NDUFAF6: variants seen among roughly 807,000 people sequenced by gnomAD.
The protein encoded by NDUFAF6 is NADH:ubiquinone oxidoreductase complex assembly factor 6.
Under a neutral mutation model 40.8 loss-of-function variants are expected in NDUFAF6, and 45 were observed. The ratio of observed to expected loss-of-function variants is 1.10; its 90% CI spans 0.87 to 1.42. The LOEUF (loss-of-function observed/expected upper bound fraction) is 1.42, where lower values mean the gene tolerates loss of function less well. Ranked by LOEUF, NDUFAF6 falls within the 40% of genes most tolerant of loss-of-function variation. The probability of loss-of-function intolerance (pLI) is 0.00; values close to 1 mark genes in which losing one functional copy is unlikely to be tolerated. For synonymous variants in NDUFAF6, 185 were observed against 155.9 expected (o/e 1.19, Z -1.39); for missense variants, 435 against 418.5 (o/e 1.04, Z -0.34).
At chr8:95,052,144 G>A (rs770280292) in intron 7 of NDUFAF6, 30 bp from the exon 8 acceptor site, 15 of 1,612,134 alleles carry the variant, frequency 9.3e-6, no homozygotes, top group Non-Finnish European at 1.1e-5. Context: ...GCTTAATTTT[G>A]AACGAGCTTC....
At chr8:94,922,154 T>C (rs1423759598) in intron 1 of NDUFAF6, among the ~76,000 whole-genome samples, 1 of 151,746 alleles carries the variant, frequency 6.6e-6, no homozygotes, top group African/African-American at 2.4e-5. Context: ...ACTACAAGCA[T>C]GTGCCACCAC....
intron 3 of NDUFAF6, among the ~76,000 whole-genome samples, chr8:95,037,819 GA>G (rs59511473): frequency 5.3e-5 from 8 of 150,036 alleles, no homozygotes; most frequent in Admixed American, 6.6e-5. Context: ...TGACATGGCA[GA>G]AAAAAAAACA....
upstream of NDUFAF6, chr8:95,024,936 A>C (rs1225157482): frequency 1.8e-5 from 22 of 1,208,350 alleles, no homozygotes; most frequent in African/African-American, 6.4e-5. Flanking sequence ...GCATAGGGGA[A>C]CCTGCAGGGG....
intron 2 of NDUFAF6, among the ~76,000 whole-genome samples, chr8:95,005,554 A>ATATATATGT (rs1554657858): frequency 8.7e-6 from 1 of 115,354 alleles, no homozygotes; most frequent in African/African-American, 3.7e-5. Context: ...TATATATATA[A>ATATATATGT]AAAATATATT....
chr8:95,073,662 A>C (rs1832946825), intron 9 of NDUFAF6, among the ~76,000 whole-genome samples: 1 of 152,282 alleles, frequency 6.6e-6, no homozygotes, highest in Middle Eastern at 3.4e-3. Context: ...TAACACTTAA[A>C]ATAAAAATGG....
intron 1 of NDUFAF6, among the ~76,000 whole-genome samples, chr8:94,914,534 A>G (rs761858641): frequency 6.6e-6 from 1 of 152,336 alleles, no homozygotes; most frequent in Non-Finnish European, 1.5e-5. Flanking sequence ...CAGTTCCTCA[A>G]AGCCTATGGT....
intron 8 of NDUFAF6, among the ~76,000 whole-genome samples, chr8:95,054,412 G>T (rs1387158978): frequency 6.7e-6 from 1 of 149,490 alleles, no homozygotes; most frequent in Non-Finnish European, 1.5e-5. Context: ...AACTCGGGGG[G>T]TGGGGCCCAG....
chr8:95,038,501 C>T (rs1019950743), intron 3 of NDUFAF6, among the ~76,000 whole-genome samples: 10 of 151,884 alleles, frequency 6.6e-5, no homozygotes, highest in African/African-American at 1.9e-4. Context: ...CATGCTACCA[C>T]ACCTGGCTGA....
chr8:95,049,442 T>A (rs1208034582), intron 7 of NDUFAF6, among the ~76,000 whole-genome samples: 1 of 152,246 alleles, frequency 6.6e-6, no homozygotes, highest in Non-Finnish European at 1.5e-5. Flanking sequence ...TTCATCTCCA[T>A]GGTGTTATTC....
intron 2 of NDUFAF6, among the ~76,000 whole-genome samples, chr8:95,082,183 A>G (rs1480868991): frequency 6.6e-6 from 1 of 151,380 alleles, no homozygotes. Context: ...GGTGGAAACC[A>G]GAAAAGAATT....
intron 1 of NDUFAF6, among the ~76,000 whole-genome samples, chr8:94,938,553 C>G (rs1469655979): frequency 6.6e-6 from 1 of 152,218 alleles, no homozygotes; most frequent in Non-Finnish European, 1.5e-5. Flanking sequence ...AGCCCCACCC[C>G]TCAAACTCCA....
intron 2 of NDUFAF6, among the ~76,000 whole-genome samples, chr8:94,946,717 A>AAAAAAAAAAAAAAAC (rs1734680724): frequency 6.7e-6 from 1 of 149,582 alleles, no homozygotes; most frequent in Non-Finnish European, 1.5e-5. Context: ...AAAAAAAAAA[A>AAAAAAAAAAAAAAAC]AAAGACAGGC....
At chr8:95,031,947 C>A in intron 1 of NDUFAF6, 48 bp from the exon 2 acceptor site, 2 of 1,542,472 alleles carry the variant, frequency 1.3e-6, no homozygotes, top group Non-Finnish European at 1.8e-6. Flanking sequence ...TTTTTTTGTG[C>A]AGCTTGGAAA....
intron 1 of NDUFAF6, among the ~76,000 whole-genome samples, chr8:94,933,985 G>C (rs1820714531): frequency 6.6e-6 from 1 of 151,854 alleles, no homozygotes; most frequent in Non-Finnish European, 1.5e-5. Context: ...GCTGAGGCAG[G>C]AGAATTGCTT....
chr8:94,910,330 T>C (rs531415093), intron 1 of NDUFAF6, among the ~76,000 whole-genome samples: 1 of 152,120 alleles, frequency 6.6e-6, no homozygotes, highest in Admixed American at 6.5e-5. Flanking sequence ...TTTTTGTATT[T>C]TTAGTAGAGA....
intron 1 of NDUFAF6, among the ~76,000 whole-genome samples, chr8:94,915,143 G>A (rs887354253): frequency 6.6e-6 from 1 of 151,506 alleles, no homozygotes; most frequent in South Asian, 2.1e-4. Context: ...AAGAGATGGG[G>A]TCTCCCTGTG....
At chr8:94,947,298 A>C (rs922081180) in intron 2 of NDUFAF6, among the ~76,000 whole-genome samples, 1 of 152,010 alleles carries the variant, frequency 6.6e-6, no homozygotes, top group Non-Finnish European at 1.5e-5. Context: ...AAAAAAAAAA[A>C]AACCCGCAAG....
chr8:94,918,350 C>A (rs1216937549), intron 1 of NDUFAF6, among the ~76,000 whole-genome samples: 1 of 152,134 alleles, frequency 6.6e-6, no homozygotes, highest in Non-Finnish European at 1.5e-5. Flanking sequence ...AGAGTAGGCC[C>A]TGGGAGACTG....
upstream of NDUFAF6, among the ~76,000 whole-genome samples, chr8:95,099,822 A>G (rs983542466): frequency 6.6e-6 from 1 of 152,126 alleles, no homozygotes; most frequent in Non-Finnish European, 1.5e-5. Flanking sequence ...TAACTACCCC[A>G]CTACTGTTGT....
Sources: allele counts gnomAD v4.1 joint callset (sites outside exome capture counted in the v4.1 genomes callset), GRCh38; gene constraint gnomAD v4.1.1; transcripts MANE v1.5; gene names NCBI Gene and HGNC (gene_info 2026-07-23, HGNC 2026-07-21).